ADGRL2: variants seen among roughly 807,000 people sequenced by gnomAD.
ADGRL2 encodes the protein adhesion G protein-coupled receptor L2, also known as calcium-independent alpha-latrotoxin receptor 2.
ADGRL2 carries 44 observed loss-of-function variants against 157.4 expected under a neutral mutation model. That is an observed-to-expected ratio of 0.28 (90% CI 0.22 to 0.36). The LOEUF is 0.36. Ranked by LOEUF, ADGRL2 falls within the 10% of genes least tolerant of loss-of-function variation. ADGRL2 has a pLI of 1.00. For synonymous variants in ADGRL2, 585 were observed against 624.7 expected (o/e 0.94, Z 0.95); for missense variants, 1,510 against 1,768.9 (o/e 0.85, Z 2.63).
At chr1:81,597,075 A>G (rs1377389325) in intron 3 of ADGRL2, among the ~76,000 whole-genome samples, 1 of 152,200 alleles carries the variant, frequency 6.6e-6, no homozygotes, top group Non-Finnish European at 1.5e-5. Context: ...CTTCCAAACA[A>G]AGAAAAGATG....
chr1:81,464,318 C>T (rs2078005067), intron 2 of ADGRL2, among the ~76,000 whole-genome samples: 2 of 152,208 alleles, frequency 1.3e-5, no homozygotes, highest in South Asian at 2.1e-4. Context: ...ACTCCATCCC[C>T]CCAACCCCCA....
intron 2 of ADGRL2, among the ~76,000 whole-genome samples, chr1:81,551,078 G>A (rs545664986): frequency 5.3e-5 from 8 of 152,166 alleles, no homozygotes; most frequent in Non-Finnish European, 1.0e-4. Flanking sequence ...TCTATGCAAT[G>A]AGGATGAAAT....
At chr1:81,938,778 C>T (rs538818461) in intron 4 of ADGRL2, among the ~76,000 whole-genome samples, 50 of 148,132 alleles carry the variant, frequency 3.4e-4, no homozygotes, top group Non-Finnish European at 2.9e-4. Flanking sequence ...TGCAAAGAGC[C>T]TTCTTAGATT....
rs189417600 is a variant in ADGRL2 at position 81,944,833 on chromosome 1, C to T, written c.1210+1064C>T. ...AATATGTTCATAACAAACACATACC[C>T]ATACATATTTTAAGATATGCTGTTA... On this transcript the variant is annotated intron_variant, in intron 6 of 23. Coordinates refer to ENST00000686636, the MANE Select transcript of ADGRL2 (RefSeq NM_001366006.2). 9.9e-5 allele frequency among the ~76,000 whole-genome samples: 15 copies of T among 152,062 alleles called. No homozygotes were observed. The East Asian group carries it at 2.1e-3, about 22-fold the overall frequency.
At chr1:81,513,705 G>C (rs2079120742) in intron 2 of ADGRL2, among the ~76,000 whole-genome samples, 1 of 152,044 alleles carries the variant, frequency 6.6e-6, no homozygotes, top group South Asian at 2.1e-4. Context: ...TTTTTAGGAA[G>C]GCAAGAAGAG....
chr1:81,989,194 A>G (rs143545262), intron 23 of ADGRL2, among the ~76,000 whole-genome samples: 17 of 152,210 alleles, frequency 1.1e-4, no homozygotes, highest in Middle Eastern at 3.4e-3. Context: ...CTCTTTTCCT[A>G]TCTTCAGCAG....
chr1:81,533,271 C>A (rs553171796), intron 2 of ADGRL2, among the ~76,000 whole-genome samples: 1 of 151,978 alleles, frequency 6.6e-6, no homozygotes, highest in Non-Finnish European at 1.5e-5. Flanking sequence ...CCCAGCTACT[C>A]GGGAGGCTGA....
chr1:81,422,186 TC>T (rs980477654), intron 1 of ADGRL2, among the ~76,000 whole-genome samples: 4 of 41,810 alleles, frequency 9.6e-5, no homozygotes, highest in African/African-American at 1.9e-4. Context: ...CTCTCAAACT[TC>T]TTTTTTTTTT....
At chr1:81,958,073 T>G (rs1654143240) in intron 11 of ADGRL2, among the ~76,000 whole-genome samples, 1 of 151,830 alleles carries the variant, frequency 6.6e-6, no homozygotes, top group Admixed American at 6.6e-5. Context: ...CTGCCCAACA[T>G]AGCCAAACCC....
intron 2 of ADGRL2, among the ~76,000 whole-genome samples, chr1:81,556,383 A>G (rs1366867681): frequency 8.2e-6 from 1 of 122,588 alleles, no homozygotes; most frequent in Non-Finnish European, 1.6e-5. Context: ...CAGTGGTGTG[A>G]TCTTGGCTCG....
At chr1:81,963,318 T>C (rs1230693171) in intron 11 of ADGRL2, among the ~76,000 whole-genome samples, 1 of 152,078 alleles carries the variant, frequency 6.6e-6, no homozygotes, top group Non-Finnish European at 1.5e-5. Context: ...CCCTCGTTAT[T>C]ACTATGTAGT....
intron 1 of ADGRL2, among the ~76,000 whole-genome samples, chr1:81,816,468 C>A (rs2090415602): frequency 6.6e-6 from 1 of 151,776 alleles, no homozygotes; most frequent in Admixed American, 6.6e-5. Context: ...TTACTCATTT[C>A]TGAATGGATG....
chr1:81,789,701 CAAAAAAAAAA>C (rs34269882), intron 2 of ADGRL2, among the ~76,000 whole-genome samples: 1 of 88,484 alleles, frequency 1.1e-5, no homozygotes, highest in African/African-American at 4.3e-5. Flanking sequence ...GTCTCCGTCT[CAAAAAAAAAA>C]AAAAAAAAAA....
intron 2 of ADGRL2, among the ~76,000 whole-genome samples, chr1:81,901,979 C>T (rs568621378): frequency 4.6e-5 from 7 of 152,196 alleles, no homozygotes; most frequent in East Asian, 3.9e-4. Flanking sequence ...GTGCCCAAGG[C>T]GGTTGGGCTA....
intron 1 of ADGRL2, among the ~76,000 whole-genome samples, chr1:81,431,411 G>T (rs1254650470): frequency 1.3e-5 from 2 of 152,154 alleles, no homozygotes; most frequent in Non-Finnish European, 2.9e-5. Flanking sequence ...GAAACAAGCT[G>T]AAAGAAGTAG....
At chr1:81,740,238 T>C (rs940552292) in intron 1 of ADGRL2, among the ~76,000 whole-genome samples, 5 of 152,226 alleles carry the variant, frequency 3.3e-5, no homozygotes, top group Admixed American at 1.3e-4. Flanking sequence ...TCTGTTTTTA[T>C]TCATTAAACA....
intron 1 of ADGRL2, among the ~76,000 whole-genome samples, chr1:81,392,678 T>G (rs1028076556): frequency 6.6e-6 from 1 of 152,148 alleles, no homozygotes; most frequent in Non-Finnish European, 1.5e-5. Flanking sequence ...TAGGGAGATA[T>G]GTGTTTGACT....
chr1:81,948,576 A>C (rs1650696195), intron 6 of ADGRL2, among the ~76,000 whole-genome samples: 1 of 152,178 alleles, frequency 6.6e-6, no homozygotes, highest in African/African-American at 2.4e-5. Flanking sequence ...CTTCTGCAAA[A>C]GATTGTGATG....
At chr1:81,483,308 G>A (rs183938690) in intron 2 of ADGRL2, among the ~76,000 whole-genome samples, 1 of 152,254 alleles carries the variant, frequency 6.6e-6, no homozygotes, top group East Asian at 1.9e-4. Context: ...TATAGCCTAA[G>A]AAGATAAGAG....
Sources: allele counts gnomAD v4.1 joint callset (sites outside exome capture counted in the v4.1 genomes callset), GRCh38; gene constraint gnomAD v4.1.1; transcripts MANE v1.5; gene names NCBI Gene and HGNC (gene_info 2026-07-23, HGNC 2026-07-21).